The following AOAH variants were observed in gnomAD, a reference collection of about 807,000 sequenced individuals.
The protein encoded by AOAH is acyloxyacyl hydrolase (neutrophil).
In AOAH, 64 loss-of-function variants were observed where a neutral mutation model predicts 92.2. The ratio of observed to expected loss-of-function variants is 0.69; its 90% CI spans 0.57 to 0.86. AOAH has a LOEUF of 0.86. AOAH is among the 40% of genes least tolerant of loss of function. The pLI, the probability that AOAH is intolerant of heterozygous loss-of-function variation, is 0.00. For missense variants in AOAH, 656 were observed against 694.6 expected (o/e 0.94, Z 0.62); for synonymous variants, 263 against 254.5 (o/e 1.03, Z -0.32).
At chr7:36,590,064 C>T (rs1293685081) in intron 12 of AOAH, among the ~76,000 whole-genome samples, 1 of 151,988 alleles carries the variant, frequency 6.6e-6, no homozygotes, top group Non-Finnish European at 1.5e-5. Context: ...GCAATCTTCC[C>T]GTCTCAGCCT....
chr7:36,595,058 A>G (rs948635716), intron 11 of AOAH, among the ~76,000 whole-genome samples: 2 of 152,238 alleles, frequency 1.3e-5, no homozygotes, highest in African/African-American at 4.8e-5. Flanking sequence ...AATAGGATTC[A>G]TTTGAACCAC....
chr7:36,564,084 A>G (rs2116506290), intron 13 of AOAH, among the ~76,000 whole-genome samples: 1 of 152,344 alleles, frequency 6.6e-6, no homozygotes, highest in East Asian at 1.9e-4. Context: ...CCCCACAAAT[A>G]TCTTTCAGCC....
At chr7:36,647,321 T>A (rs1467428404) in intron 4 of AOAH, among the ~76,000 whole-genome samples, 2 of 152,204 alleles carry the variant, frequency 1.3e-5, no homozygotes, top group Non-Finnish European at 2.9e-5. Context: ...GGTGATTAAT[T>A]AAGTGAAGAT....
chr7:36,720,210 T>C (rs553991274), intron 1 of AOAH, among the ~76,000 whole-genome samples: 148 of 152,116 alleles, frequency 9.7e-4, no homozygotes, highest in African/African-American at 3.5e-3. Context: ...AGCGTGGTGA[T>C]GTGATCTCGG....
At chr7:36,589,673 T>G (rs1278884000) in intron 12 of AOAH, among the ~76,000 whole-genome samples, 1 of 152,190 alleles carries the variant, frequency 6.6e-6, no homozygotes, top group Non-Finnish European at 1.5e-5. Flanking sequence ...TGCTAAATGT[T>G]CCACCTGGAA....
chr7:36,710,443 C>T (rs1251656570), intron 1 of AOAH, among the ~76,000 whole-genome samples: 5 of 152,166 alleles, frequency 3.3e-5, no homozygotes, highest in Admixed American at 6.5e-5. Context: ...TGCAAGGAAC[C>T]GTATTCTGCC....
chr7:36,520,543 T>TA (rs1784056204), intron 20 of AOAH, among the ~76,000 whole-genome samples: 1 of 152,064 alleles, frequency 6.6e-6, no homozygotes, highest in Admixed American at 6.6e-5. Context: ...CCGTCTCTAC[T>TA]AAAAATACAA....
chr7:36,658,951 A>T (rs753773402), intron 4 of AOAH, among the ~76,000 whole-genome samples: 11 of 152,346 alleles, frequency 7.2e-5, no homozygotes, highest in Non-Finnish European at 1.3e-4. Context: ...TACAGTCCAC[A>T]ATGGCTGAAC....
At chr7:36,690,136 C>T (rs995497160) in intron 1 of AOAH, 2 of 451,148 alleles carry the variant, frequency 4.4e-6, no homozygotes, top group Non-Finnish European at 4.4e-6. Context: ...CAGAGAAATC[C>T]CATCAAGGAC....
chr7:36,554,319 C>T (rs1340926533), intron 13 of AOAH, among the ~76,000 whole-genome samples: 1 of 152,158 alleles, frequency 6.6e-6, no homozygotes, highest in Non-Finnish European at 1.5e-5. Flanking sequence ...TTTCTGAAGG[C>T]TCTGTTCTGT....
chr7:36,523,004 G>C (rs1324038357), intron 19 of AOAH, among the ~76,000 whole-genome samples: 2 of 152,188 alleles, frequency 1.3e-5, no homozygotes, highest in Non-Finnish European at 2.9e-5. Context: ...GACAAGACGG[G>C]CTGGACTTCC....
At chr7:36,669,247 G>A (rs1795748028) in intron 3 of AOAH, among the ~76,000 whole-genome samples, 1 of 152,088 alleles carries the variant, frequency 6.6e-6, no homozygotes, top group African/African-American at 2.4e-5. Flanking sequence ...AGAACTGGAA[G>A]ATCTTCTTCA....
At chr7:36,678,073 A>T (rs1448698239) in intron 2 of AOAH, among the ~76,000 whole-genome samples, 2 of 152,228 alleles carry the variant, frequency 1.3e-5, no homozygotes, top group Non-Finnish European at 2.9e-5. Flanking sequence ...AAGTCACTAA[A>T]TTGTACACTT....
chr7:36,590,180 A>C (rs1789645270), intron 12 of AOAH, among the ~76,000 whole-genome samples: 1 of 152,112 alleles, frequency 6.6e-6, no homozygotes, highest in African/African-American at 2.4e-5. Context: ...CTGATCTCAA[A>C]CTCCTGGCCT....
intron 15 of AOAH, among the ~76,000 whole-genome samples, chr7:36,548,285 A>C (rs1461365677): frequency 1.3e-5 from 2 of 152,182 alleles, no homozygotes; most frequent in African/African-American, 4.8e-5. Flanking sequence ...TCCTGGGTTC[A>C]AGTGATTCTG....
At chr7:36,565,390 T>C (rs1440652739) in intron 13 of AOAH, among the ~76,000 whole-genome samples, 8 of 152,236 alleles carry the variant, frequency 5.3e-5, no homozygotes, top group Admixed American at 1.3e-4. Flanking sequence ...CAAAGGTGAC[T>C]TCTTTGCTTC....
intron 19 of AOAH, among the ~76,000 whole-genome samples, chr7:36,527,390 T>G (rs1784453952): frequency 6.6e-6 from 1 of 152,252 alleles, no homozygotes; most frequent in Admixed American, 6.5e-5. Context: ...TTCATGGGAC[T>G]ATCAGGACTG....
At chr7:36,567,690 A>G (rs1218540018) in intron 13 of AOAH, among the ~76,000 whole-genome samples, 1 of 152,314 alleles carries the variant, frequency 6.6e-6, no homozygotes, top group South Asian at 2.1e-4. Flanking sequence ...TGAGGACATC[A>G]ACCTGTTCTC....
At position 36,657,797 on chromosome 7, in the gene AOAH, T is replaced by C. The variant is rs553242793; in HGVS notation, c.390+1369A>G. Among the ~76,000 whole-genome samples the C allele has an allele frequency of 1.1e-3, 164 of 152,270 alleles. 1 individual carries two copies. The highest frequency in any genetic ancestry group is 3.7e-3 in the African/African-American group (155 of 41,560). On this transcript the variant is annotated intron_variant, in intron 4 of 20. Transcript: ENST00000617537. ...GGGTCAGGGTAGGAAGACAAGGACATGAAATTTCAGAAGTAAACTCTAGAG... is the reference window on the plus strand; with the variant it reads ...GGGTCAGGGTAGGAAGACAAGGACACGAAATTTCAGAAGTAAACTCTAGAG...
Sources: allele counts gnomAD v4.1 joint callset (sites outside exome capture counted in the v4.1 genomes callset), GRCh38; gene constraint gnomAD v4.1.1; transcripts MANE v1.5; gene names NCBI Gene and HGNC (gene_info 2026-07-23, HGNC 2026-07-21).